The following RBFOX1 variants were observed in gnomAD, a reference collection of about 807,000 sequenced individuals.
The protein encoded by RBFOX1 is RNA binding fox-1 homolog 1, also known as RNA binding protein fox-1 homolog 1.
A neutral mutation model predicts 57.7 loss-of-function variants in RBFOX1; 8 were observed. The ratio of observed to expected loss-of-function variants is 0.14; its 90% confidence interval spans 0.08 to 0.25. The LOEUF is 0.25. Among genes scored for constraint, RBFOX1 ranks in the 10% least tolerant of loss-of-function variants. The pLI, the probability that RBFOX1 is intolerant of heterozygous loss-of-function variation, is 1.00. For synonymous variants in RBFOX1, 326 were observed against 222.4 expected, an observed-to-expected ratio of 1.47 and a Z score of -4.15; for missense variants, 611 against 548.5, an observed-to-expected ratio of 1.11 and a Z score of -1.14.
chr16:6,660,485 T>C (rs1310337953), intron 3 of RBFOX1, among the ~76,000 whole-genome samples: 1 of 152,102 alleles, frequency 6.6e-6, no homozygotes, highest in Non-Finnish European at 1.5e-5. Flanking sequence ...TCAGGACGTA[T>C]CATGAGGCCA....
At chr16:6,288,265 G>C (rs963197676) in intron 1 of RBFOX1, among the ~76,000 whole-genome samples, 1 of 152,136 alleles carries the variant, frequency 6.6e-6, no homozygotes, top group Non-Finnish European at 1.5e-5. Flanking sequence ...TGTTTATCAA[G>C]TTATGTTGTG....
chr16:5,278,182 T>C (rs1336227509), intron 1 of RBFOX1, among the ~76,000 whole-genome samples: 1 of 152,232 alleles, frequency 6.6e-6, no homozygotes, highest in Non-Finnish European at 1.5e-5. Flanking sequence ...GCTTTGTCTT[T>C]TTAATAATAG....
chr16:5,509,098 G>C (rs769419002), intron 2 of RBFOX1, among the ~76,000 whole-genome samples: 8 of 152,168 alleles, frequency 5.3e-5, no homozygotes, highest in Non-Finnish European at 1.2e-4. Context: ...TGAAAACTGG[G>C]TCTCAGAGGC....
intron 3 of RBFOX1, among the ~76,000 whole-genome samples, chr16:5,621,199 A>G (rs781338778): frequency 6.6e-5 from 10 of 151,936 alleles, no homozygotes; most frequent in Non-Finnish European, 1.3e-4. Context: ...CTGGTCTCAA[A>G]CTCTTCGGCT....
At chr16:6,835,531 C>T (rs1054428723) in intron 3 of RBFOX1, among the ~76,000 whole-genome samples, 1 of 151,816 alleles carries the variant, frequency 6.6e-6, no homozygotes. Context: ...GTGGGAAGAT[C>T]ACTTGAGGCC....
chr16:6,210,322 AAAAAAAC>A (rs1450899898), intron 1 of RBFOX1, among the ~76,000 whole-genome samples: 3 of 115,882 alleles, frequency 2.6e-5, no homozygotes, highest in East Asian at 5.4e-4. Context: ...TGTCTGAAAA[AAAAAAAC>A]AAAAAAACAA....
chr16:6,380,451 G>A (rs1405020434), intron 2 of RBFOX1, among the ~76,000 whole-genome samples: 6 of 96,284 alleles, frequency 6.2e-5, no homozygotes, highest in African/African-American at 1.2e-4. Flanking sequence ...TTTTTTAGTA[G>A]AACTCAGCAG....
intron 10 of RBFOX1, among the ~76,000 whole-genome samples, chr16:7,626,850 C>T (rs969730002): frequency 2.0e-4 from 30 of 152,132 alleles, no homozygotes; most frequent in African/African-American, 2.9e-4. Context: ...CAATCATATG[C>T]ATTAATCCTT....
chr16:6,200,917 A>G (rs900316367), intron 1 of RBFOX1, among the ~76,000 whole-genome samples: 6 of 148,120 alleles, frequency 4.1e-5, no homozygotes, highest in African/African-American at 1.5e-4. Context: ...TTTTTGCTGG[A>G]TAGAGTTTTC....
intron 14 of RBFOX1, among the ~76,000 whole-genome samples, chr16:7,706,905 A>G (rs1319559012): frequency 6.6e-6 from 1 of 152,028 alleles, no homozygotes; most frequent in East Asian, 1.9e-4. Flanking sequence ...ATATATTATT[A>G]TTTTATCAAA....
rs527844584 is a variant in RBFOX1 at position 5,934,721 on chromosome 16, AATT to A, written c.351+67391_351+67393del. Among the ~76,000 whole-genome samples the A allele has an allele frequency of 1.1e-4, 16 of 152,338 alleles. No individual in the cohort carries two copies. The South Asian group carries it at 3.1e-3, about 30-fold the overall frequency. On this transcript the variant is annotated intron_variant, in intron 4 of 19. Transcript: ENST00000641259. Reference sequence around the variant, plus strand: ...CAGGATGTGCCCCATAAATATGTATAATTATTACGTGTCATTTAATTAATTAAT... The same window carrying A: ...CAGGATGTGCCCCATAAATATGTATAATTACGTGTCATTTAATTAATTAAT...
chr16:7,198,762 A>G (rs1346163889), intron 4 of RBFOX1, among the ~76,000 whole-genome samples: 1 of 152,202 alleles, frequency 6.6e-6, no homozygotes, highest in Non-Finnish European at 1.5e-5. Context: ...CTCGTAATCT[A>G]ATCACCTCTT....
chr16:6,624,326 A>T (rs1363897264), intron 2 of RBFOX1, among the ~76,000 whole-genome samples: 1 of 152,056 alleles, frequency 6.6e-6, no homozygotes, highest in Non-Finnish European at 1.5e-5. Flanking sequence ...AAAAGAAAAA[A>T]CTGTCCCTTG....
Position 6,638,265 on chromosome 16 carries a change from T to A in RBFOX1, c.-63-16338T>A, listed in dbSNP as rs188596774. 3.1e-3 allele frequency among the ~76,000 whole-genome samples: 476 copies of A among 152,292 alleles called. 3 individuals are homozygous for A. The highest frequency in any genetic ancestry group is 5.0e-3 in the Non-Finnish European group (342 of 68,012). Reference sequence around the variant, plus strand: ...ACAAATGTAATTATCCTAAACTGTTTTAAGGTACATTTTTCCTATGCTCAT... The same window carrying A: ...ACAAATGTAATTATCCTAAACTGTTATAAGGTACATTTTTCCTATGCTCAT... On this transcript the variant is annotated intron_variant, in intron 2 of 15. Transcript: ENST00000550418.
At chr16:5,825,398 C>G (rs1279749940) in intron 3 of RBFOX1, among the ~76,000 whole-genome samples, 1 of 152,202 alleles carries the variant, frequency 6.6e-6, no homozygotes, top group Non-Finnish European at 1.5e-5. Flanking sequence ...ACAATCACAG[C>G]TCTTAACAGA....
intron 2 of RBFOX1, among the ~76,000 whole-genome samples, chr16:6,460,075 G>A (rs559148284): frequency 5.0e-4 from 72 of 144,096 alleles, no homozygotes; most frequent in Non-Finnish European, 8.9e-4. Context: ...TGTAATGTAG[G>A]TTATATTAGA....
At chr16:5,964,823 T>TAC (rs1163615308) in intron 4 of RBFOX1, among the ~76,000 whole-genome samples, 2 of 152,122 alleles carry the variant, frequency 1.3e-5, no homozygotes, top group Non-Finnish European at 2.9e-5. Context: ...ATATACCATA[T>TAC]ACACGTATAT....
intron 2 of RBFOX1, among the ~76,000 whole-genome samples, chr16:6,371,531 C>T (rs1028412276): frequency 5.3e-5 from 8 of 151,978 alleles, no homozygotes; most frequent in Admixed American, 1.3e-4. Flanking sequence ...GACATAAACC[C>T]GTAAGTTTTT....
intron 3 of RBFOX1, among the ~76,000 whole-genome samples, chr16:5,630,699 C>G (rs913642026): frequency 6.6e-6 from 1 of 152,122 alleles, no homozygotes; most frequent in East Asian, 1.9e-4. Flanking sequence ...TATTCTTTTT[C>G]TATCCTGATG....
Sources: allele counts gnomAD v4.1 joint callset (sites outside exome capture counted in the v4.1 genomes callset), GRCh38; gene constraint gnomAD v4.1.1; transcripts MANE v1.5; gene names NCBI Gene and HGNC (gene_info 2026-07-23, HGNC 2026-07-21).